The following PXYLP1 variants were observed in gnomAD, a reference collection of about 807,000 sequenced individuals.
PXYLP1 encodes the protein acid phosphatase-like 2.
PXYLP1 carries 17 observed loss-of-function variants against 37.9 expected under a neutral mutation model. The observed-to-expected ratio is 0.45, with a 90% CI of 0.31 to 0.67. The LOEUF (loss-of-function observed/expected upper bound fraction) is 0.67. Among genes scored for constraint, PXYLP1 ranks in the 30% least tolerant of loss-of-function variants. The pLI, the probability that PXYLP1 is intolerant of heterozygous loss-of-function variation, is 0.07. For synonymous variants in PXYLP1, 221 were observed against 232.2 expected (o/e 0.95, Z 0.44); for missense variants, 511 against 612.0 (o/e 0.84, Z 1.74).
chr3:141,248,640 CGTGT>C (rs1338333287), intron 1 of PXYLP1, among the ~76,000 whole-genome samples: 1 of 93,956 alleles, frequency 1.1e-5, no homozygotes, highest in Non-Finnish European at 2.0e-5. Flanking sequence ...TATATACACA[CGTGT>C]ATATATACAC....
chr3:141,248,834 CGT>C lies in PXYLP1; in HGVS notation c.-53-11286_-53-11285del, dbSNP rs1941071829. Among the ~76,000 whole-genome samples the C allele has an allele frequency of 6.7e-5, 8 of 120,074 alleles. 2 individuals are homozygous for C. The highest frequency in any genetic ancestry group is 1.4e-4 in the African/African-American group (5 of 34,724). 78.8% of individuals were successfully genotyped at this position (120,074 alleles called of 152,430 possible). On this transcript the variant is annotated intron_variant, in intron 1 of 5. Coordinates refer to ENST00000286353, the MANE Select transcript of PXYLP1 (RefSeq NM_001037172.3). ...ATACACACGTATATATATACACACA[CGT>C]GTATATATACACACGTATATATATA...
rs141760656 is a variant in PXYLP1, at chr3:141,260,192, G to C, written c.17G>C (p.Arg6Pro). ...TACTTAATAATGCTTTTCCGCAACC[G>C]CTTCTTGCTGCTGCTGGCCCTGGCT... MLFRN[R>P]FLLLLALAAL... Residue 6 changes from arginine (R) to proline (P), a missense_variant, in exon 2 of 6, where the codon CGC (arginine) becomes CCC (proline). Physicochemically the swap from Arg to Pro is moderately radical, Grantham distance 103. Transcript: ENST00000286353. The C allele has an allele frequency of 6.2e-7, 1 of 1,613,660 alleles. No homozygotes were observed. Among genetic ancestry groups the C allele is most frequent in the African/African-American group, 1.3e-5 (1 of 74,918 alleles).
chr3:141,285,735 T>C (rs185824407), intron 4 of PXYLP1, among the ~76,000 whole-genome samples: 7 of 152,314 alleles, frequency 4.6e-5, no homozygotes, highest in Admixed American at 1.3e-4. Context: ...TGTTGATGGA[T>C]AGCCTTTGTT....
chr3:141,268,202 AGAGAGTGTGTGTGTGT>A (rs1195105317), intron 2 of PXYLP1, among the ~76,000 whole-genome samples: 6 of 37,438 alleles, frequency 1.6e-4, no homozygotes, highest in East Asian at 2.3e-3. Context: ...AGAGAGAGAG[AGAGAGTGTGTGTGTGT>A]GTGTGTGTGT....
Position 141,293,331 on chromosome 3 carries a change from G to GTTCCCAC in PXYLP1, c.*126_*127insTTCCCAC. ...TTTTAAAGGCTAAATATTGTTTGTG[G>GTTCCCAC]GAACCACAGATGGTTGGGGTTGAAC... On this transcript the variant is annotated 3_prime_UTR_variant, in exon 6 of 6. Transcript: ENST00000286353. 9.8e-7 allele frequency: 1 copy of GTTCCCAC among 1,022,244 alleles called. No individual in the cohort carries two copies. Among genetic ancestry groups the GTTCCCAC allele is most frequent in the Non-Finnish European group, 1.4e-6 (1 of 720,762 alleles). 63.3% of individuals were successfully genotyped at this position (1,022,244 alleles called of 1,614,324 possible).
At chr3:141,241,455 G>A (rs1018305710) in intron 1 of PXYLP1, among the ~76,000 whole-genome samples, 2 of 152,136 alleles carry the variant, frequency 1.3e-5, no homozygotes. Flanking sequence ...GGTAGGCTCT[G>A]AGGGCTGTGG....
chr3:141,258,045 G>C (rs1307547126), intron 1 of PXYLP1, among the ~76,000 whole-genome samples: 1 of 152,130 alleles, frequency 6.6e-6, no homozygotes, highest in South Asian at 2.1e-4. Flanking sequence ...TTAAGAGCAT[G>C]GAAGCAGGAA....
At chr3:141,269,805 G>C (rs1941617012) in intron 2 of PXYLP1, among the ~76,000 whole-genome samples, 1 of 152,248 alleles carries the variant, frequency 6.6e-6, no homozygotes, top group African/African-American at 2.4e-5. Context: ...TCTGTCTTGA[G>C]TGTGTGGTGA....
Position 141,260,273 on chromosome 3 carries a change from C to A in PXYLP1, c.79+19C>A, listed in dbSNP as rs3796260. 0.02 allele frequency: 32,344 copies of A among 1,610,664 alleles called. 1,473 individuals carry two copies. Among genetic ancestry groups the A allele is most frequent in the East Asian group, 0.18 (8,046 of 44,830 alleles). On this transcript the variant is annotated intron_variant, in intron 2 of 5. Transcript: ENST00000286353. Reference sequence around the variant, plus strand: ...CAGTTCTGTGAGTAGAGCCGGGCCCCGCAGGTCGTGGGAGGGTAGGGGCTT... The same window carrying A: ...CAGTTCTGTGAGTAGAGCCGGGCCCAGCAGGTCGTGGGAGGGTAGGGGCTT...
At chr3:141,259,185 C>T (rs1226518220) in intron 1 of PXYLP1, among the ~76,000 whole-genome samples, 1 of 152,188 alleles carries the variant, frequency 6.6e-6, no homozygotes, top group Non-Finnish European at 1.5e-5. Flanking sequence ...GAGCTTTTAT[C>T]TGATTTTGTC....
At chr3:141,256,247 C>T (rs563753553) in intron 1 of PXYLP1, among the ~76,000 whole-genome samples, 101 of 152,284 alleles carry the variant, frequency 6.6e-4, no homozygotes, top group African/African-American at 2.3e-3. Flanking sequence ...TGCTCCCCAC[C>T]GCCACCTGCT....
intron 1 of PXYLP1, among the ~76,000 whole-genome samples, chr3:141,246,673 G>A (rs1302044707): frequency 6.6e-6 from 1 of 152,188 alleles, no homozygotes; most frequent in Non-Finnish European, 1.5e-5. Flanking sequence ...CACCTGCTCT[G>A]GACCAGGCAG....
At chr3:141,233,479 A>C (rs1239106405) in intron 1 of PXYLP1, among the ~76,000 whole-genome samples, 2 of 151,862 alleles carry the variant, frequency 1.3e-5, no homozygotes, top group Admixed American at 6.6e-5. Flanking sequence ...AAAAAAAAAA[A>C]AAAAAACCCT....
chr3:141,278,243 G>GAAT (rs1941845515), intron 2 of PXYLP1, 99 bp from the exon 3 acceptor site: 1 of 1,371,438 alleles, frequency 7.3e-7, no homozygotes, highest in African/African-American at 1.4e-5. Context: ...CTCAGTGTAA[G>GAAT]AATAGCTCCT....
At chr3:141,291,094 G>T (rs906306641) in intron 5 of PXYLP1, among the ~76,000 whole-genome samples, 8 of 152,174 alleles carry the variant, frequency 5.3e-5, no homozygotes, top group Non-Finnish European at 7.3e-5. Flanking sequence ...TCCTTTGTGG[G>T]TTTTGCTGAG....
rs538220255 is a variant in PXYLP1 at position 141,232,863 on chromosome 3, C to T, written c.-54+952C>T. ...CTGTAGTGAGTGAGGTTATCACCGC[C>T]TGGCTAGCCAGTGTCTTTGTGGAAA... On this transcript the variant is annotated intron_variant, in intron 1 of 5. Coordinates refer to ENST00000286353, the MANE Select transcript of PXYLP1 (RefSeq NM_001037172.3). Among the ~76,000 whole-genome samples the T allele has an allele frequency of 2.1e-3, 316 of 152,208 alleles. 2 individuals are homozygous for T. Among genetic ancestry groups the T allele is most frequent in the Non-Finnish European group, 3.8e-3 (259 of 68,022 alleles).
intron 1 of PXYLP1, among the ~76,000 whole-genome samples, chr3:141,233,463 C>CCAAAA (rs1158763652): frequency 2.5e-5 from 2 of 79,404 alleles, no homozygotes. Context: ...AAAACCCTGT[C>CCAAAA]AAAAAAAAAA....
Position 141,293,002 on chromosome 3 carries a change from C to T in PXYLP1, c.1240C>T (p.Pro414Ser), listed in dbSNP as rs1942264719. The T allele has an allele frequency of 6.2e-7, 1 of 1,614,062 alleles. No homozygotes were observed. Among genetic ancestry groups the T allele is most frequent in the South Asian group, 1.1e-5 (1 of 91,086 alleles). ...IFELWQDREK[P>S]SEHSVRILYN... is the part of the protein sequence containing the mutation. ...TGAGCTTTGGCAAGACAGAGAAAAG[C>T]CCAGTGAACATTCCGTCCGGATTCT... The change falls in exon 6 of 6, where the codon CCC becomes TCC. Residue 414 changes from proline (P) to serine (S), a missense_variant. Pro to Ser is a moderately conservative substitution (Grantham distance 74). Coordinates refer to ENST00000286353, the MANE Select transcript of PXYLP1 (RefSeq NM_001037172.3).
chr3:141,256,863 G>A (rs1446108839), intron 1 of PXYLP1, among the ~76,000 whole-genome samples: 1 of 152,122 alleles, frequency 6.6e-6, no homozygotes, highest in Non-Finnish European at 1.5e-5. Flanking sequence ...GAAGTGGGAG[G>A]GTGCAGACCC....
Sources: allele counts gnomAD v4.1 joint callset (sites outside exome capture counted in the v4.1 genomes callset), GRCh38; gene constraint gnomAD v4.1.1; transcripts MANE v1.5; gene names NCBI Gene and HGNC (gene_info 2026-07-23, HGNC 2026-07-21).